The following RASEF variants were observed in gnomAD, a reference collection of about 807,000 sequenced individuals.
The protein encoded by RASEF is ras and EF-hand domain-containing protein.
RASEF carries 68 observed loss-of-function variants against 90.1 expected under a neutral mutation model. The observed-to-expected ratio is 0.75, with a 90% CI of 0.62 to 0.92. RASEF has a LOEUF of 0.92. Ranked by LOEUF, RASEF falls within the 40% of genes least tolerant of loss-of-function variation. The pLI, the probability that RASEF is intolerant of heterozygous loss-of-function variation, is 0.00. For missense variants in RASEF, 949 were observed against 937.2 expected, an observed-to-expected ratio of 1.01 and a Z score of -0.16; for synonymous variants, 331 against 345.2, an observed-to-expected ratio of 0.96 and a Z score of 0.46.
the RASEF span, among the ~76,000 whole-genome samples, chr9:83,195,637 CAGATAATAAAGAAACAT>C: frequency 7.2e-5 from 11 of 151,950 alleles, no homozygotes; most frequent in African/African-American, 2.7e-4. Flanking sequence ...GCAGGGAATA[CAGATAATAAAGAAACAT>C]AGATATGTAA....
chr9:83,045,367 T>C (rs562520958), intron 1 of RASEF, among the ~76,000 whole-genome samples: 1 of 152,344 alleles, frequency 6.6e-6, no homozygotes, highest in African/African-American at 2.4e-5. Flanking sequence ...TAATTGTTAC[T>C]GATAAGAACC....
the RASEF span, among the ~76,000 whole-genome samples, chr9:83,196,114 C>A: frequency 6.6e-6 from 1 of 151,626 alleles, no homozygotes; most frequent in Non-Finnish European, 1.5e-5. Flanking sequence ...GATGGGAGAA[C>A]TACAAGAGGG....
chr9:83,118,900 G>A, the RASEF span, among the ~76,000 whole-genome samples: 1 of 152,100 alleles, frequency 6.6e-6, no homozygotes, highest in African/African-American at 2.4e-5. Context: ...GGTCCCATTG[G>A]ATGCACAAAA....
the RASEF span, among the ~76,000 whole-genome samples, chr9:83,073,108 C>T: frequency 6.6e-6 from 1 of 152,086 alleles, no homozygotes; most frequent in Admixed American, 6.5e-5. Flanking sequence ...TTTGCTCAGC[C>T]CCATCCCCAT....
the RASEF span, among the ~76,000 whole-genome samples, chr9:83,195,158 T>C: frequency 2.6e-5 from 4 of 152,234 alleles, no homozygotes; most frequent in Non-Finnish European, 5.9e-5. Flanking sequence ...GCAACCTTTA[T>C]GCCTCTGGCT....
At chr9:83,054,595 C>G (rs1183442013) in intron 1 of RASEF, 2 of 150,086 alleles carry the variant, frequency 1.3e-5, no homozygotes, top group Admixed American at 1.3e-4. Context: ...TGAGGAACTG[C>G]GTTCCTTTGG....
chr9:83,162,794 C>T, the RASEF span, among the ~76,000 whole-genome samples: 1 of 152,166 alleles, frequency 6.6e-6, no homozygotes, highest in Admixed American at 6.5e-5. Context: ...AAAATCTGAA[C>T]TGTAATTGGC....
At chr9:83,195,251 G>A in the RASEF span, among the ~76,000 whole-genome samples, 9 of 152,220 alleles carry the variant, frequency 5.9e-5, no homozygotes, top group African/African-American at 2.2e-4. Context: ...GGGAGGTAGT[G>A]TGAATTACCT....
chr9:83,128,029 T>TC, the RASEF span, among the ~76,000 whole-genome samples: 4 of 149,994 alleles, frequency 2.7e-5, no homozygotes, highest in East Asian at 1.9e-4. Context: ...TCTTTTCTTT[T>TC]TTTTTTTTTT....
At chr9:82,983,885 C>T (rs1299807425) in intron 16 of RASEF, among the ~76,000 whole-genome samples, 2 of 152,178 alleles carry the variant, frequency 1.3e-5, no homozygotes, top group Non-Finnish European at 2.9e-5. Context: ...TGACATCCAG[C>T]CCGAGCCACA....
rs183870330 is a variant in RASEF, at chr9:82,981,027, G to A, written c.*1650C>T. ...ATTTTTTCAAAAAACTGATGCTTGC[G>A]GAATTTAAGGTTCTATCACAAACAC... On this transcript the variant is annotated 3_prime_UTR_variant, in exon 17 of 17. Coordinates refer to ENST00000376447, the MANE Select transcript of RASEF (RefSeq NM_152573.4). 2.9e-4 allele frequency: 44 copies of A among 152,198 alleles called. No homozygotes were observed. The highest frequency in any genetic ancestry group is 8.7e-4 in the African/African-American group (36 of 41,540). The allele number at this position is 152,198 out of a possible 1,614,324, so 9.4% of individuals were successfully genotyped here. A position where few individuals can be genotyped will look rare whatever the true frequency, so the allele number is the denominator to read the frequency against.
At chr9:83,072,722 T>C in the RASEF span, among the ~76,000 whole-genome samples, 24 of 152,316 alleles carry the variant, frequency 1.6e-4, no homozygotes, top group Non-Finnish European at 2.9e-4. Context: ...CTCATTCCAC[T>C]TTCTTCTGCC....
chr9:82,982,809 G>T, intron 16 of RASEF, 27 bp from the exon 17 acceptor site: 2 of 151,926 alleles, frequency 1.3e-5, no homozygotes, highest in South Asian at 1.3e-4. Context: ...GAGAGACAGA[G>T]AGAGAGAGAG....
the RASEF span, among the ~76,000 whole-genome samples, chr9:83,096,166 C>A: frequency 1.3e-5 from 2 of 152,182 alleles, no homozygotes; most frequent in Non-Finnish European, 2.9e-5. Flanking sequence ...CATACCAGTG[C>A]AATTCCAGTC....
chr9:82,996,923 T>A, intron 14 of RASEF, 89 bp downstream of exon 14: 2 of 760,706 alleles, frequency 2.6e-6, no homozygotes, highest in Non-Finnish European at 4.7e-6. Flanking sequence ...CTAATCAAGT[T>A]CATTCTGACA....
the RASEF span, among the ~76,000 whole-genome samples, chr9:83,212,424 G>A: frequency 6.6e-6 from 1 of 152,132 alleles, no homozygotes. Flanking sequence ...AAACTGGTCT[G>A]CCCATGGAAA....
chr9:83,043,324 T>C (rs746471351), intron 1 of RASEF, among the ~76,000 whole-genome samples: 3 of 151,884 alleles, frequency 2.0e-5, no homozygotes, highest in Non-Finnish European at 2.9e-5. Flanking sequence ...ATGCATTGTA[T>C]GAACCTATGT....
At chr9:83,136,940 A>AT in the RASEF span, among the ~76,000 whole-genome samples, 1 of 151,712 alleles carries the variant, frequency 6.6e-6, no homozygotes, top group Non-Finnish European at 1.5e-5. Flanking sequence ...TCCTTTAACA[A>AT]TTTTTTTTAC....
At chr9:83,157,009 C>G in the RASEF span, among the ~76,000 whole-genome samples, 1 of 152,174 alleles carries the variant, frequency 6.6e-6, no homozygotes, top group African/African-American at 2.4e-5. Context: ...ATGGAGGATA[C>G]TTGCTAGTTT....
Sources: allele counts gnomAD v4.1 joint callset (sites outside exome capture counted in the v4.1 genomes callset), GRCh38; gene constraint gnomAD v4.1.1; transcripts MANE v1.5; gene names NCBI Gene and HGNC (gene_info 2026-07-23, HGNC 2026-07-21).